Variants in BCAS3 observed in about 807,000 individuals in gnomAD.
BCAS3 encodes the protein BCAS3 microtubule associated cell migration factor, also known as BCAS4/BCAS3 fusion.
In BCAS3, 53 loss-of-function variants were observed where a neutral mutation model predicts 116.1. The ratio of observed to expected loss-of-function variants is 0.46; its 90% CI spans 0.37 to 0.57. BCAS3 has a LOEUF of 0.57. Among genes scored for constraint, BCAS3 ranks in the 20% least tolerant of loss-of-function variants. BCAS3 has a pLI of 0.00. For missense variants in BCAS3, 917 were observed against 1,165.4 expected (o/e 0.79, Z 3.10); for synonymous variants, 391 against 408.2 (o/e 0.96, Z 0.51).
At position 61,068,436 on chromosome 17, in the gene BCAS3, A is replaced by G. The variant is rs772674856; in HGVS notation, c.2030-6484A>G. Among the ~76,000 whole-genome samples, 1 of 152,222 alleles carries G rather than the reference A, an allele frequency of 6.6e-6. No homozygotes were observed. Among genetic ancestry groups the G allele is most frequent in the Non-Finnish European group, 1.5e-5 (1 of 68,040 alleles). ...CCACCAGATCATTGGCCATTGGTTCATATAGGTCTCTGCAGCATCCATTCT... is the reference window on the plus strand; with the variant it reads ...CCACCAGATCATTGGCCATTGGTTCGTATAGGTCTCTGCAGCATCCATTCT... On this transcript the variant is annotated intron_variant, in intron 19 of 23. Transcript: ENST00000407086. This position sits in a 1 kb window ranked among gnomAD's most constrained non-coding sequence, Gnocchi z 4.3.
chr17:61,336,517 C>CTA (rs945217519), intron 22 of BCAS3, among the ~76,000 whole-genome samples: 4 of 152,210 alleles, frequency 2.6e-5, no homozygotes, highest in African/African-American at 9.6e-5. Flanking sequence ...ATGCCCACCT[C>CTA]TAGCCCAGCT....
rs544920838 is a variant in BCAS3, at chr17:60,910,402, A to C, written c.823-130A>C. On this transcript the variant is annotated intron_variant, in intron 11 of 23. Transcript: ENST00000407086. ...TTAAAAGTCAGACTGAATGTCTGTG[A>C]CAGTTTACTGCTATAAAAGATTGTA... is the stretch of plus-strand genomic sequence containing the variant. 21 of 668,452 alleles carry C rather than the reference A, an allele frequency of 3.1e-5. 1 individual carries two copies. In the South Asian group the frequency reaches 7.0e-4, roughly 22 times the overall value. The allele number at this position is 668,452 out of a possible 1,614,324, so 41.4% of individuals were successfully genotyped here. A position where few individuals can be genotyped will look rare whatever the true frequency, so the allele number is the denominator to read the frequency against.
chr17:61,236,489 T>A (rs1251140524), intron 22 of BCAS3, among the ~76,000 whole-genome samples: 1 of 152,030 alleles, frequency 6.6e-6, no homozygotes, highest in Non-Finnish European at 1.5e-5. Context: ...CTGGCTAATT[T>A]TTTTGTATTT....
chr17:61,109,773 T>G (rs2074935425), intron 22 of BCAS3, among the ~76,000 whole-genome samples: 1 of 152,218 alleles, frequency 6.6e-6, no homozygotes. Context: ...CTTAACCCAC[T>G]TTTTGATGTG....
At chr17:61,169,907 T>G (rs2078733898) in intron 22 of BCAS3, among the ~76,000 whole-genome samples, 1 of 152,208 alleles carries the variant, frequency 6.6e-6, no homozygotes. Flanking sequence ...CAGGCTGTAG[T>G]GCAGTGATGC....
chr17:60,721,432 A>C (rs78749339), intron 5 of BCAS3, among the ~76,000 whole-genome samples: 1,573 of 152,308 alleles, frequency 0.01, 32 homozygotes, highest in African/African-American at 0.036. Context: ...TGGTGGATTA[A>C]AATATCTTTT....
chr17:60,823,789 CTG>C (rs1598959311), intron 7 of BCAS3, among the ~76,000 whole-genome samples: 2 of 152,268 alleles, frequency 1.3e-5, no homozygotes, highest in East Asian at 3.9e-4. Context: ...TATTGTCAAA[CTG>C]TGAGAGAAGG....
Position 61,097,542 on chromosome 17 carries a change from G to A in BCAS3, c.2425+12978G>A, listed in dbSNP as rs2074058816. Among the ~76,000 whole-genome samples the A allele has an allele frequency of 6.6e-6, 1 of 152,106 alleles. No individual in the cohort carries two copies. Among genetic ancestry groups the A allele is most frequent in the African/African-American group, 2.4e-5 (1 of 41,418 alleles). On this transcript the variant is annotated intron_variant, in intron 22 of 23. Coordinates refer to ENST00000407086, the MANE Select transcript of BCAS3 (RefSeq NM_017679.5). The surrounding 1 kb of genome is among the most constrained non-coding windows in gnomAD (Gnocchi z 4.0). Reference sequence around the variant, plus strand: ...AAAAGAGAAATTGGAAAAGTAGCAGGGTGATTTTTAAGTTTCCTTGGCAGT... The same window carrying A: ...AAAAGAGAAATTGGAAAAGTAGCAGAGTGATTTTTAAGTTTCCTTGGCAGT...
intron 7 of BCAS3, among the ~76,000 whole-genome samples, chr17:60,852,528 T>C (rs2053267743): frequency 6.6e-6 from 1 of 152,182 alleles, no homozygotes; most frequent in Admixed American, 6.5e-5. Context: ...GGAATAACTT[T>C]AAAAAAGAAT....
At chr17:61,247,443 G>A (rs951136590) in intron 22 of BCAS3, among the ~76,000 whole-genome samples, 3 of 152,108 alleles carry the variant, frequency 2.0e-5, no homozygotes, top group Non-Finnish European at 2.9e-5. Flanking sequence ...GCCACAAAAA[G>A]TATGGATTCA....
Position 61,376,815 on chromosome 17 carries a change from G to C in BCAS3, c.2593+8321G>C, listed in dbSNP as rs147749348. Among the ~76,000 whole-genome samples the C allele has an allele frequency of 6.3e-3, 964 of 152,226 alleles. 12 individuals are homozygous for C. The highest frequency in any genetic ancestry group is 0.022 in the African/African-American group (908 of 41,528). The stretch of plus-strand genomic sequence containing the variant: ...GGCTTTTCCTCTGCCTTATCTAATT[G>C]GGCCCTGGAGTTTTCCTCCTTCTAC... On this transcript the variant is annotated intron_variant, in intron 23 of 23. Coordinates refer to ENST00000407086, the MANE Select transcript of BCAS3 (RefSeq NM_017679.5). This position sits in a 1 kb window ranked among gnomAD's most constrained non-coding sequence, Gnocchi z 4.5.
intron 23 of BCAS3, among the ~76,000 whole-genome samples, chr17:61,371,173 C>T (rs1445622522): frequency 6.6e-6 from 1 of 152,184 alleles, no homozygotes; most frequent in Non-Finnish European, 1.5e-5. Flanking sequence ...TCTCATGATC[C>T]CTGACACAGA....
chr17:60,709,416 A>T, intron 5 of BCAS3, 91 bp downstream of exon 5: 2 of 777,452 alleles, frequency 2.6e-6, no homozygotes, highest in Non-Finnish European at 4.2e-6. Context: ...TTTGAGACAG[A>T]GTCTCACTCT....
chr17:61,378,630 C>G lies in BCAS3; in HGVS notation c.2593+10136C>G, dbSNP rs1270448897. ...CCCCAACCACCAGCCTTCTCCCTGC[C>G]CAGCAACCAGCACTGGAAGGAGAGC... On this transcript the variant is annotated intron_variant, in intron 23 of 23. Transcript: ENST00000407086. This position sits in a 1 kb window ranked among gnomAD's most constrained non-coding sequence, Gnocchi z 5.8. 6.6e-6 allele frequency: 1 copy of G among 152,336 alleles called. No homozygotes were observed. The highest frequency in any genetic ancestry group is 1.5e-5 in the Non-Finnish European group (1 of 68,146). 9.4% of individuals were successfully genotyped at this position (152,336 alleles called of 1,614,324 possible).
At position 60,938,614 on chromosome 17, in the gene BCAS3, A is replaced by T. The variant is rs2060062107; in HGVS notation, c.1088-8605A>T. The stretch of plus-strand genomic sequence containing the variant: ...ATAGAAAAAGATTTCTTAGATAAAC[A>T]CCCAAACCACAAAATCTTCATCAAA... On this transcript the variant is annotated intron_variant, in intron 13 of 23. Transcript: ENST00000407086. Among the ~76,000 whole-genome samples, 3 of 152,282 alleles carry T rather than the reference A, an allele frequency of 2.0e-5. No individual in the cohort carries two copies. In the South Asian group the frequency reaches 6.2e-4, roughly 32 times the overall value.
At chr17:60,852,641 G>T (rs987996061) in intron 7 of BCAS3, among the ~76,000 whole-genome samples, 2 of 151,906 alleles carry the variant, frequency 1.3e-5, no homozygotes, top group African/African-American at 4.8e-5. Context: ...AATTATGAAA[G>T]AAAAAAAGAG....
chr17:60,693,388 C>G (rs1235987145), intron 4 of BCAS3, among the ~76,000 whole-genome samples: 1 of 151,720 alleles, frequency 6.6e-6, no homozygotes, highest in Non-Finnish European at 1.5e-5. Context: ...ATCCCCTAAT[C>G]CCATACTTCA....
At chr17:61,010,854 C>T (rs915225167) in intron 15 of BCAS3, among the ~76,000 whole-genome samples, 7 of 151,890 alleles carry the variant, frequency 4.6e-5, no homozygotes, top group African/African-American at 1.5e-4. Flanking sequence ...GACCCAAAAG[C>T]CTGAGGCTTA....
At chr17:60,695,355 GC>G (rs2035456712) in intron 4 of BCAS3, among the ~76,000 whole-genome samples, 1 of 151,850 alleles carries the variant, frequency 6.6e-6, no homozygotes, top group Non-Finnish European at 1.5e-5. Context: ...CTCGTGATCT[GC>G]CCACCTCGGC....
Sources: allele counts gnomAD v4.1 joint callset (sites outside exome capture counted in the v4.1 genomes callset), GRCh38; gene constraint gnomAD v4.1.1; non-coding constraint Gnocchi (gnomAD v3.1); transcripts MANE v1.5; gene names NCBI Gene and HGNC (gene_info 2026-07-23, HGNC 2026-07-21).